LYRM4: variants seen among roughly 807,000 people sequenced by gnomAD.
The protein encoded by LYRM4 is LYR motif containing 4, also known as LYR motif-containing protein 4.
LYRM4 carries 9 observed loss-of-function variants against 11.7 expected under a neutral mutation model. The ratio of observed to expected loss-of-function variants is 0.77; its 90% CI spans 0.46 to 1.34. The LOEUF is 1.34. Ranked by LOEUF, LYRM4 falls within the 40% of genes most tolerant of loss-of-function variation. The pLI, the probability that LYRM4 is intolerant of heterozygous loss-of-function variation, is 0.00. For synonymous variants in LYRM4, 42 were observed against 40.4 expected (o/e 1.04, Z -0.15); for missense variants, 133 against 112.5 (o/e 1.18, Z -0.82).
chr6:5,126,307 A>G (rs60464046), intron 2 of LYRM4, among the ~76,000 whole-genome samples: 15,973 of 152,228 alleles, frequency 0.1, 943 homozygotes, highest in South Asian at 0.23. Flanking sequence ...ACCAGCACCA[A>G]CTGAGTATAA....
chr6:5,155,602 T>C (rs1229393238), intron 2 of LYRM4, among the ~76,000 whole-genome samples: 6 of 152,190 alleles, frequency 3.9e-5, no homozygotes, highest in Non-Finnish European at 8.8e-5. Flanking sequence ...TTAAGGATGA[T>C]ACGTTGCTGA....
intron 1 of LYRM4, among the ~76,000 whole-genome samples, chr6:5,219,592 T>C (rs1243969202): frequency 6.6e-6 from 1 of 152,250 alleles, no homozygotes; most frequent in African/African-American, 2.4e-5. Flanking sequence ...TTATTTCGAA[T>C]GATCACAGCT....
At chr6:5,074,311 A>G in the LYRM4 span, among the ~76,000 whole-genome samples, 3 of 152,110 alleles carry the variant, frequency 2.0e-5, no homozygotes, top group South Asian at 6.2e-4. Flanking sequence ...AGGTCAGTCT[A>G]GAAAAATGGC....
intron 2 of LYRM4, among the ~76,000 whole-genome samples, chr6:5,139,022 G>A (rs796511770): frequency 3.9e-5 from 6 of 152,326 alleles, no homozygotes; most frequent in African/African-American, 1.4e-4. Context: ...ATTGATGTTC[G>A]TTGAGTACCT....
intron 2 of LYRM4, among the ~76,000 whole-genome samples, chr6:5,133,108 GCAGCCTGAGGGCCACTTGTCCC>G (rs1253369461): frequency 6.6e-6 from 1 of 152,168 alleles, no homozygotes; most frequent in Non-Finnish European, 1.5e-5. Flanking sequence ...TGTGTGCTGG[GCAGCCTGAGGGCCACTTGTCCC>G]CGTGCTGCCA....
rs1329174588 is a variant in LYRM4, at chr6:5,109,494, G to C, written c.208-3C>G. 1 of 1,613,834 alleles carries C rather than the reference G, an allele frequency of 6.2e-7. No individual in the cohort carries two copies. Among genetic ancestry groups the C allele is most frequent in the East Asian group, 2.2e-5 (1 of 44,880 alleles). ...GAATACAGTTGGCCAATGTGGACCT[G>C]AAGGCAAAGAAAGGACACAGGTCAG... is the stretch of plus-strand genomic sequence containing the variant. On this transcript the variant is annotated splice_polypyrimidine_tract_variant and splice_region_variant and intron_variant, in intron 2 of 2. Transcript: ENST00000330636.
At chr6:5,071,346 T>A in the LYRM4 span, among the ~76,000 whole-genome samples, 1,110 of 152,130 alleles carry the variant, frequency 7.3e-3, 21 homozygotes, top group African/African-American at 0.025. Flanking sequence ...ATTTAAAAAA[T>A]TTTTTTAAAC....
Position 5,109,335 on chromosome 6 carries a change from T to C in LYRM4, c.*88A>G. 1 of 1,598,850 alleles carries C rather than the reference T, an allele frequency of 6.3e-7. No individual in the cohort carries two copies. Among genetic ancestry groups the C allele is most frequent in the Non-Finnish European group, 8.6e-7 (1 of 1,168,912 alleles). On this transcript the variant is annotated 3_prime_UTR_variant, in exon 3 of 3. Transcript: ENST00000330636. ...GGACAGGCAGCGCAAAAGGCTATTGTAAGCTGGTTTTGGGAGCCCCCATCT... is the reference window on the plus strand; with the variant it reads ...GGACAGGCAGCGCAAAAGGCTATTGCAAGCTGGTTTTGGGAGCCCCCATCT...
In LYRM4 at chr6:5,153,379, C is replaced by T. The variant is rs147329122; in HGVS notation, c.208-43888G>A. ...GTGCTGGGATTACAAGTGTGAACCA[C>T]CACACCTGGCGCCCTTGCTAATCTT... On this transcript the variant is annotated intron_variant, in intron 2 of 2. Transcript: ENST00000330636. 7.9e-5 allele frequency among the ~76,000 whole-genome samples: 12 copies of T among 152,326 alleles called. No individual in the cohort carries two copies. In the East Asian group the frequency reaches 2.3e-3, roughly 29 times the overall value.
chr6:5,139,259 C>G, intron 2 of LYRM4, among the ~76,000 whole-genome samples: 1 of 152,192 alleles, frequency 6.6e-6, no homozygotes, highest in East Asian at 1.9e-4. Flanking sequence ...GCATTTCCAC[C>G]TCGCTAACTG....
intron 2 of LYRM4, among the ~76,000 whole-genome samples, chr6:5,133,971 C>CT (rs1245574217): frequency 3.3e-5 from 5 of 152,174 alleles, no homozygotes; most frequent in African/African-American, 1.2e-4. Flanking sequence ...TATTCCATTG[C>CT]GTGGAAATAC....
the LYRM4 span, chr6:5,086,197 C>T: frequency 6.5e-6 from 10 of 1,534,382 alleles, no homozygotes; most frequent in Non-Finnish European, 7.9e-6. Flanking sequence ...GGGCTCCGGC[C>T]GGGTGCTCAG....
At chr6:5,086,455 G>A in the LYRM4 span, 1 of 1,536,856 alleles carries the variant, frequency 6.5e-7, no homozygotes, top group Admixed American at 2.0e-5. Flanking sequence ...GCGCGGCGTC[G>A]CGGTCCACTT....
At chr6:5,187,119 G>T in intron 2 of LYRM4, 1 of 699,530 alleles carries the variant, frequency 1.4e-6, no homozygotes, top group Non-Finnish European at 1.8e-6. Context: ...AAATGCACAT[G>T]CTAATAGCAC....
At chr6:5,208,800 T>C (rs538348511) in intron 2 of LYRM4, among the ~76,000 whole-genome samples, 1 of 152,344 alleles carries the variant, frequency 6.6e-6, no homozygotes, top group Non-Finnish European at 1.5e-5. Flanking sequence ...TTTTTATAGC[T>C]GCAGAGGAAT....
intron 1 of LYRM4, chr6:5,218,196 A>G (rs918667086): frequency 3.5e-5 from 33 of 939,832 alleles, no homozygotes; most frequent in Non-Finnish European, 4.2e-5. Context: ...CACACACCAC[A>G]GTGCCTGGCT....
At chr6:5,152,190 T>C (rs1758126507) in intron 2 of LYRM4, among the ~76,000 whole-genome samples, 1 of 152,174 alleles carries the variant, frequency 6.6e-6, no homozygotes, top group African/African-American at 2.4e-5. Flanking sequence ...AACATGACGC[T>C]GAGAAGCTAA....
chr6:5,188,038 G>A (rs1049225719), intron 2 of LYRM4, among the ~76,000 whole-genome samples: 2 of 152,138 alleles, frequency 1.3e-5, no homozygotes, highest in African/African-American at 4.8e-5. Context: ...GAAGTTTTTT[G>A]TCTAAATTTC....
the LYRM4 span, among the ~76,000 whole-genome samples, chr6:5,038,713 G>A: frequency 0.15 from 8,952 of 58,246 alleles, 3,689 homozygotes; most frequent in East Asian, 0.76. Flanking sequence ...GCAAAACCCC[G>A]TCTCCACCAA....
Sources: allele counts gnomAD v4.1 joint callset (sites outside exome capture counted in the v4.1 genomes callset), GRCh38; gene constraint gnomAD v4.1.1; transcripts MANE v1.5; gene names NCBI Gene and HGNC (gene_info 2026-07-23, HGNC 2026-07-21).